The following PRDM16 variants were observed in gnomAD, a reference collection of about 807,000 sequenced individuals.
The protein encoded by PRDM16 is histone-lysine N-methyltransferase PRDM16.
In PRDM16, 23 loss-of-function variants were observed where a neutral mutation model predicts 110.6. The ratio of observed to expected loss-of-function variants is 0.21; its 90% confidence interval spans 0.15 to 0.29. The LOEUF is 0.29. Among genes scored for constraint, PRDM16 ranks in the 10% least tolerant of loss-of-function variants. The probability of loss-of-function intolerance (pLI) is 1.00; values close to 1 mark genes in which losing one functional copy is unlikely to be tolerated. For missense variants in PRDM16, 1,615 were observed against 1,794.3 expected, an observed-to-expected ratio of 0.90 and a Z score of 1.81; for synonymous variants, 799 against 781.8, an observed-to-expected ratio of 1.02 and a Z score of -0.37.
intron 3 of PRDM16, among the ~76,000 whole-genome samples, chr1:3,347,896 C>A (rs1642394179): frequency 6.6e-6 from 1 of 152,112 alleles, no homozygotes; most frequent in Non-Finnish European, 1.5e-5. Flanking sequence ...CCGAGCCCAT[C>A]CCCTGTGACT....
rs1370700559 is a variant in PRDM16 at position 3,209,701 on chromosome 1, A to G, written c.387+23227A>G. On this transcript the variant is annotated intron_variant, in intron 2 of 16. Transcript: ENST00000270722. This position sits in a 1 kb window ranked among gnomAD's most constrained non-coding sequence, Gnocchi z 4.6. Reference sequence around the variant, plus strand: ...GGTTTAGTTGTCAACGGCCACCAGGAACCACAGCCCTCCCGCCCCCCACAG... The same window carrying G: ...GGTTTAGTTGTCAACGGCCACCAGGGACCACAGCCCTCCCGCCCCCCACAG... 6.6e-6 allele frequency among the ~76,000 whole-genome samples: 1 copy of G among 152,178 alleles called. No homozygotes were observed. Among genetic ancestry groups the G allele is most frequent in the Non-Finnish European group, 1.5e-5 (1 of 68,020 alleles).
intron 3 of PRDM16, among the ~76,000 whole-genome samples, chr1:3,280,049 T>TG (rs1640679619): frequency 6.8e-6 from 1 of 146,238 alleles, no homozygotes; most frequent in African/African-American, 2.6e-5. Flanking sequence ...ACAAGCAGGG[T>TG]GAAAAAAAAA....
intron 3 of PRDM16, among the ~76,000 whole-genome samples, chr1:3,341,014 AG>A (rs1367179532): frequency 3.3e-5 from 5 of 151,932 alleles, no homozygotes; most frequent in African/African-American, 1.2e-4. Context: ...GCTCCAGGCT[AG>A]GGAGGGGGAT....
chr1:3,356,180 C>T (rs887972454), intron 3 of PRDM16, among the ~76,000 whole-genome samples: 2 of 152,252 alleles, frequency 1.3e-5, no homozygotes, highest in African/African-American at 4.8e-5. Context: ...TCCTTTCGCA[C>T]ACCAGCACGC....
At chr1:3,104,796 T>C (rs1020247174) in intron 1 of PRDM16, among the ~76,000 whole-genome samples, 13 of 152,072 alleles carry the variant, frequency 8.5e-5, no homozygotes, top group African/African-American at 3.1e-4. Context: ...CCCACAGACA[T>C]GGACCCTGAA....
At chr1:3,415,447 C>T (rs1434799686) in intron 10 of PRDM16, among the ~76,000 whole-genome samples, 6 of 152,256 alleles carry the variant, frequency 3.9e-5, no homozygotes, top group African/African-American at 1.4e-4. Context: ...GTGGACGGGC[C>T]CCCCACCTGG....
chr1:3,248,491 TG>T (rs1347125496), intron 3 of PRDM16, among the ~76,000 whole-genome samples: 1 of 152,152 alleles, frequency 6.6e-6, no homozygotes, highest in African/African-American at 2.4e-5. Flanking sequence ...GGGCTAGGCC[TG>T]GGGACCTGGA....
At position 3,265,874 on chromosome 1, in the gene PRDM16, G is replaced by A. The variant is rs1292349936; in HGVS notation, c.438+21737G>A. Among the ~76,000 whole-genome samples, 1 of 152,064 alleles carries A rather than the reference G, an allele frequency of 6.6e-6. No homozygotes were observed. The highest frequency in any genetic ancestry group is 1.5e-5 in the Non-Finnish European group (1 of 68,000). On this transcript the variant is annotated intron_variant, in intron 3 of 16. Coordinates refer to ENST00000270722, the MANE Select transcript of PRDM16 (RefSeq NM_022114.4). This position sits in a 1 kb window ranked among gnomAD's most constrained non-coding sequence, Gnocchi z 4.5. ...CGCTCTCTATGATCCCTTTACGGTC[G>A]TGCAGTGCTCCCCAGGGCTCCGCAC...
chr1:3,409,849 T>G (rs866306919), intron 8 of PRDM16, among the ~76,000 whole-genome samples: 6 of 127,106 alleles, frequency 4.7e-5, no homozygotes, highest in Non-Finnish European at 9.7e-5. Flanking sequence ...GTGGTGTGGG[T>G]GTGTGTGTGG....
chr1:3,267,248 A>G (rs1640316431), intron 3 of PRDM16, among the ~76,000 whole-genome samples: 1 of 152,140 alleles, frequency 6.6e-6, no homozygotes, highest in South Asian at 2.1e-4. Context: ...TGGACATTTC[A>G]TCTCATGGAG....
chr1:3,110,466 T>G (rs1642765875), intron 1 of PRDM16, among the ~76,000 whole-genome samples: 1 of 140,568 alleles, frequency 7.1e-6, no homozygotes, highest in Admixed American at 6.9e-5. Flanking sequence ...GGCTCCCCCA[T>G]GTCCTGGGTG....
chr1:3,217,172 C>T (rs926999912), intron 2 of PRDM16, among the ~76,000 whole-genome samples: 13 of 152,284 alleles, frequency 8.5e-5, no homozygotes, highest in Admixed American at 2.6e-4. Flanking sequence ...CACCGTGAAA[C>T]GGGCATTCGC....
chr1:3,294,594 C>G (rs1357817416), intron 3 of PRDM16, among the ~76,000 whole-genome samples: 1 of 152,130 alleles, frequency 6.6e-6, no homozygotes, highest in Non-Finnish European at 1.5e-5. Context: ...GGAACATCCC[C>G]GGAGCAGCCC....
chr1:3,368,250 G>A (rs1642850084), intron 3 of PRDM16, among the ~76,000 whole-genome samples: 1 of 152,200 alleles, frequency 6.6e-6, no homozygotes, highest in Non-Finnish European at 1.5e-5. Flanking sequence ...GCTTCCTCGT[G>A]GCGGACTTCC....
intron 3 of PRDM16, among the ~76,000 whole-genome samples, chr1:3,377,599 G>A (rs1247187153): frequency 6.6e-6 from 1 of 152,224 alleles, no homozygotes; most frequent in Admixed American, 6.5e-5. Flanking sequence ...CAGGAGGGCA[G>A]TTTCCTTTGG....
rs945863110 is a variant in PRDM16 at position 3,417,772 on chromosome 1, C to T, written c.2692-56C>T. 56 of 1,513,128 alleles carry T rather than the reference C, an allele frequency of 3.7e-5. No homozygotes were observed. In the African/African-American group the frequency reaches 6.5e-4, roughly 17 times the overall value. The allele number at this position is 1,513,128 out of a possible 1,614,324, so 93.7% of individuals were successfully genotyped here. On this transcript the variant is annotated intron_variant, in intron 10 of 16. Coordinates refer to ENST00000270722, the MANE Select transcript of PRDM16 (RefSeq NM_022114.4). ...TACAGAACCCCCAGCAGTGCGTGCC[C>T]CTGAAGACAGGTGAGAGTCAGCTGA...
At position 3,404,733 on chromosome 1, in the gene PRDM16, G is replaced by T; in HGVS notation, c.885-6G>T. 1 of 1,613,138 alleles carries T rather than the reference G, an allele frequency of 6.2e-7. No individual in the cohort carries two copies. The highest frequency in any genetic ancestry group is 1.3e-5 in the African/African-American group (1 of 75,044). On this transcript the variant is annotated splice_region_variant and splice_polypyrimidine_tract_variant and intron_variant, in intron 6 of 16. Transcript: ENST00000270722. ...GGCCCCGCAGTGAGCCTCGTCCTCT[G>T]CGCAGCCTGGAGCAGCACATGGTCA...
intron 1 of PRDM16, among the ~76,000 whole-genome samples, chr1:3,169,081 C>T (rs564442366): frequency 1.4e-4 from 21 of 152,320 alleles, no homozygotes; most frequent in Admixed American, 9.2e-4. Flanking sequence ...GCCGCTGCTG[C>T]GGTCTCCAGC....
intron 4 of PRDM16, among the ~76,000 whole-genome samples, chr1:3,393,875 C>T (rs956421681): frequency 2.0e-5 from 3 of 152,150 alleles, no homozygotes; most frequent in African/African-American, 7.2e-5. Context: ...CGCCTCGGGC[C>T]CTGCGATCAG....
Sources: gnomAD v4.1 joint callset for allele counts (sites outside exome capture counted in the v4.1 genomes callset) on GRCh38, gnomAD v4.1.1 for gene constraint, Gnocchi (gnomAD v3.1) non-coding constraint, MANE v1.5 for transcripts, NCBI Gene and HGNC (gene_info 2026-07-23, HGNC 2026-07-21) for gene names.